ELOVL6: variants seen among roughly 807,000 people sequenced by gnomAD.
The protein encoded by ELOVL6 is ELOVL fatty acid elongase 6, also known as very long chain fatty acid elongase 6.
Under a neutral mutation model 31.7 loss-of-function variants are expected in ELOVL6, and 8 were observed. The ratio of observed to expected loss-of-function variants is 0.25; its 90% confidence interval spans 0.15 to 0.45. ELOVL6 has a LOEUF of 0.45. Ranked by LOEUF, ELOVL6 falls within the 20% of genes least tolerant of loss-of-function variation. The pLI is 1.00. For missense variants in ELOVL6, 126 were observed against 326.4 expected, an observed-to-expected ratio of 0.39 and a Z score of 4.73; for synonymous variants, 101 against 117.7, an observed-to-expected ratio of 0.86 and a Z score of 0.92.
intron 2 of ELOVL6, among the ~76,000 whole-genome samples, chr4:110,102,702 T>C (rs1223681876): frequency 6.6e-6 from 1 of 152,028 alleles, no homozygotes. Context: ...TATGTATATT[T>C]TACCTCAATA....
chr4:110,153,862 C>G (rs955710384), intron 1 of ELOVL6, among the ~76,000 whole-genome samples: 1 of 152,136 alleles, frequency 6.6e-6, no homozygotes, highest in African/African-American at 2.4e-5. Flanking sequence ...TTTGTAGTTT[C>G]TAATGCAATG....
intron 2 of ELOVL6, among the ~76,000 whole-genome samples, chr4:110,063,540 G>A (rs1755207198): frequency 6.6e-6 from 1 of 151,524 alleles, no homozygotes; most frequent in Admixed American, 6.6e-5. Context: ...ACGACAGGAT[G>A]TGAAATGAGC....
chr4:110,170,293 T>C (rs986576973), intron 1 of ELOVL6, among the ~76,000 whole-genome samples: 1 of 152,246 alleles, frequency 6.6e-6, no homozygotes, highest in African/African-American at 2.4e-5. Flanking sequence ...ATTATAAATT[T>C]GAATTATGCA....
chr4:110,137,522 C>G (rs575098829), intron 1 of ELOVL6, among the ~76,000 whole-genome samples: 14 of 152,210 alleles, frequency 9.2e-5, no homozygotes, highest in African/African-American at 3.4e-4. Flanking sequence ...GCTGTTTTGA[C>G]TTTACTATAG....
intron 1 of ELOVL6, among the ~76,000 whole-genome samples, chr4:110,111,179 TC>T (rs1757023976): frequency 1.3e-5 from 2 of 152,132 alleles, no homozygotes; most frequent in Admixed American, 6.5e-5. Context: ...CTTATCTTTT[TC>T]CCCCCTTGTC....
chr4:110,070,521 A>C (rs1755439058), intron 2 of ELOVL6, among the ~76,000 whole-genome samples: 1 of 152,362 alleles, frequency 6.6e-6, no homozygotes, highest in South Asian at 2.1e-4. Context: ...GCAGTGCTCC[A>C]TTAACTCCAT....
intron 1 of ELOVL6, among the ~76,000 whole-genome samples, chr4:110,141,838 C>A (rs1757969032): frequency 1.8e-5 from 2 of 111,364 alleles, no homozygotes; most frequent in Non-Finnish European, 3.8e-5. Context: ...TATATATACA[C>A]TAACACAATA....
intron 1 of ELOVL6, among the ~76,000 whole-genome samples, chr4:110,194,970 C>T (rs1379566861): frequency 6.6e-6 from 1 of 152,142 alleles, no homozygotes; most frequent in Non-Finnish European, 1.5e-5. Context: ...AGAAGCTTCA[C>T]TATATCATGT....
chr4:110,051,766 G>A lies in ELOVL6; in HGVS notation c.374-4C>T, dbSNP rs752414593. On this transcript the variant is annotated splice_polypyrimidine_tract_variant and splice_region_variant and intron_variant, in intron 3 of 3. Coordinates refer to ENST00000302274, the MANE Select transcript of ELOVL6 (RefSeq NM_024090.3). This position sits in a 1 kb window ranked among gnomAD's most constrained non-coding sequence, Gnocchi z 4.8. ...AGAATAATGAATATTGTATCTCCTG[G>A]AAGACAAAGAGGAAGAAGGTACGTG... is the stretch of plus-strand genomic sequence containing the variant. 5 of 1,609,328 alleles carry A rather than the reference G, an allele frequency of 3.1e-6. No individual in the cohort carries two copies. In the Admixed American group the frequency reaches 6.7e-5, roughly 22 times the overall value.
At chr4:110,150,103 C>T (rs540540784) in intron 1 of ELOVL6, among the ~76,000 whole-genome samples, 7 of 152,024 alleles carry the variant, frequency 4.6e-5, no homozygotes, top group Admixed American at 2.0e-4. Flanking sequence ...ATAGAGACAC[C>T]GTCTCACTAT....
chr4:110,049,527 T>C lies in ELOVL6; in HGVS notation c.*1811A>G, dbSNP rs1754782399. On this transcript the variant is annotated 3_prime_UTR_variant, in exon 4 of 4. Coordinates refer to ENST00000302274, the MANE Select transcript of ELOVL6 (RefSeq NM_024090.3). ...AATTAAAGCTAAAATAATATAAAAA[T>C]AATTCGAAAAAATCCCTTTTACTGT... 6.6e-6 allele frequency: 1 copy of C among 152,350 alleles called. No homozygotes were observed. Among genetic ancestry groups the C allele is most frequent in the South Asian group, 2.1e-4 (1 of 4,810 alleles). The allele number at this position is 152,350 out of a possible 1,614,324, so 9.4% of individuals were successfully genotyped here.
At chr4:110,085,412 TG>T (rs1484933922) in intron 2 of ELOVL6, among the ~76,000 whole-genome samples, 1 of 152,196 alleles carries the variant, frequency 6.6e-6, no homozygotes, top group Non-Finnish European at 1.5e-5. Flanking sequence ...AAAAAATAGC[TG>T]GTGAAAGGTC....
intron 2 of ELOVL6, among the ~76,000 whole-genome samples, chr4:110,102,110 G>C (rs1756759067): frequency 6.6e-6 from 1 of 152,106 alleles, no homozygotes; most frequent in Non-Finnish European, 1.5e-5. Flanking sequence ...AAACACAGAA[G>C]CATAGCATTC....
chr4:110,089,718 G>A (rs1756367029), intron 2 of ELOVL6, among the ~76,000 whole-genome samples: 1 of 152,100 alleles, frequency 6.6e-6, no homozygotes, highest in Admixed American at 6.6e-5. Flanking sequence ...TGGGTAGATG[G>A]GCCAACTTTT....
chr4:110,144,871 A>G (rs1447312588), intron 1 of ELOVL6, among the ~76,000 whole-genome samples: 3 of 152,156 alleles, frequency 2.0e-5, no homozygotes, highest in Non-Finnish European at 4.4e-5. Flanking sequence ...CAAAAGATGG[A>G]ATTTTAGCTG....
intron 1 of ELOVL6, among the ~76,000 whole-genome samples, chr4:110,180,891 C>T (rs1374347075): frequency 6.6e-6 from 1 of 152,158 alleles, no homozygotes; most frequent in Non-Finnish European, 1.5e-5. Flanking sequence ...AACCCCAGCA[C>T]TTTGGGAAGC....
chr4:110,185,917 C>T (rs376959756), intron 1 of ELOVL6, among the ~76,000 whole-genome samples: 17 of 152,138 alleles, frequency 1.1e-4, no homozygotes, highest in Admixed American at 2.6e-4. Context: ...TAAGGCTGGG[C>T]ACGGTGGCTC....
intron 2 of ELOVL6, among the ~76,000 whole-genome samples, chr4:110,065,381 C>T (rs1755271648): frequency 6.6e-6 from 1 of 152,138 alleles, no homozygotes; most frequent in South Asian, 2.1e-4. Flanking sequence ...AATCCTAGCA[C>T]TTTGGAAGGC....
At chr4:110,117,903 A>AAATATATATATATATATAT in intron 1 of ELOVL6, 3 of 6,504 alleles carry the variant, frequency 4.6e-4, no homozygotes, top group Non-Finnish European at 7.5e-4. Flanking sequence ...AAAAAAAAAA[A>AAATATATATATATATATAT]ATATATATAT....
Sources: allele counts gnomAD v4.1 joint callset (sites outside exome capture counted in the v4.1 genomes callset), GRCh38; gene constraint gnomAD v4.1.1; non-coding constraint Gnocchi (gnomAD v3.1); transcripts MANE v1.5; gene names NCBI Gene and HGNC (gene_info 2026-07-23, HGNC 2026-07-21).